The following SLC9A3 variants were observed in gnomAD, a reference collection of about 807,000 sequenced individuals.
SLC9A3 encodes the protein solute carrier family 9 member A3.
In SLC9A3, 37 loss-of-function variants were observed where a neutral mutation model predicts 86.8. That is an observed-to-expected ratio of 0.43 (90% CI 0.33 to 0.56). The LOEUF (loss-of-function observed/expected upper bound fraction) is 0.56. Ranked by LOEUF, SLC9A3 falls within the 20% of genes least tolerant of loss-of-function variation. SLC9A3 has a pLI of 0.06. For missense variants in SLC9A3, 1,011 were observed against 1,171.9 expected (o/e 0.86, Z 2.00); for synonymous variants, 581 against 528.3 (o/e 1.10, Z -1.37).
Position 482,624 on chromosome 5 carries a change from T to A in SLC9A3, c.1280A>T (p.Asp427Val). Residue 427 changes from aspartate to valine, a missense_variant, in exon 7 of 17, where the codon GAT becomes GTT. Asp to Val is a radical substitution (Grantham distance 152). This residue lies in a region of SLC9A3 where 565 missense variants were observed against 790.0 expected (regional missense o/e 0.72). Transcript: ENST00000264938. ...AVAFALVVLL[D>V]GDKVKEKNLF... Reference sequence around the variant, plus strand: ...GTTCTTCTCCTTGACCTTGTCTCCATCCAGAAGCACCACCAGGGCAAAGGC... The same window carrying A: ...GTTCTTCTCCTTGACCTTGTCTCCAACCAGAAGCACCACCAGGGCAAAGGC... 1 of 1,612,614 alleles carries A rather than the reference T, an allele frequency of 6.2e-7. No individual in the cohort carries two copies. The highest frequency in any genetic ancestry group is 8.5e-7 in the Non-Finnish European group (1 of 1,179,858).
At chr5:473,876 CGTCT>C (rs1738544475) in intron 16 of SLC9A3, among the ~76,000 whole-genome samples, 1 of 152,208 alleles carries the variant, frequency 6.6e-6, no homozygotes, top group Non-Finnish European at 1.5e-5. Context: ...GGACCCGGGG[CGTCT>C]GTCTGGCTTC....
intron 1 of SLC9A3, among the ~76,000 whole-genome samples, chr5:506,302 C>T (rs1405481798): frequency 6.6e-6 from 1 of 152,200 alleles, no homozygotes; most frequent in Non-Finnish European, 1.5e-5. Flanking sequence ...GAAAGGGGCC[C>T]GAGACGGGGG....
chr5:518,176 CCTCAGGAG>C (rs1484678569), intron 1 of SLC9A3, among the ~76,000 whole-genome samples: 1 of 152,166 alleles, frequency 6.6e-6, no homozygotes, highest in African/African-American at 2.4e-5. Context: ...GAGGAGGTGT[CCTCAGGAG>C]CTCAGAGGAG....
At chr5:518,824 G>A (rs536843985) in intron 1 of SLC9A3, among the ~76,000 whole-genome samples, 49 of 152,246 alleles carry the variant, frequency 3.2e-4, no homozygotes, top group Middle Eastern at 6.8e-3. Flanking sequence ...GGAGCTCCTG[G>A]GGTGGCAGGG....
At chr5:511,273 G>A (rs2126651186) in intron 1 of SLC9A3, among the ~76,000 whole-genome samples, 1 of 152,044 alleles carries the variant, frequency 6.6e-6, no homozygotes, top group African/African-American at 2.4e-5. Flanking sequence ...CATAACCTTG[G>A]GTTTGGTGAT....
At chr5:512,135 A>G (rs4956947) in intron 1 of SLC9A3, among the ~76,000 whole-genome samples, 134,521 of 152,278 alleles carry the variant, frequency 0.88, 59,652 homozygotes, top group African/African-American at 0.91. Context: ...AGAGCACAGA[A>G]GATTTTTAGG....
At chr5:478,540 G>A (rs3734141) in intron 10 of SLC9A3, 121,420 of 153,708 alleles carry the variant, frequency 0.79, 48,783 homozygotes, top group African/African-American at 0.88. Context: ...CCAGGTGTGG[G>A]GACCCCCGCT....
intron 1 of SLC9A3, among the ~76,000 whole-genome samples, chr5:513,005 G>A (rs1733602470): frequency 1.3e-5 from 2 of 152,170 alleles, no homozygotes; most frequent in South Asian, 4.2e-4. Context: ...CGGTTACAGA[G>A]GTTTCCACTG....
intron 2 of SLC9A3, 92 bp from the exon 3 acceptor site, chr5:488,568 G>C: frequency 7.6e-7 from 1 of 1,318,084 alleles, no homozygotes; most frequent in Non-Finnish European, 1.0e-6. Context: ...GTCGGGGTTC[G>C]GAGCCCGTCT....
At chr5:498,836 C>G (rs1560965706) in intron 1 of SLC9A3, among the ~76,000 whole-genome samples, 1 of 152,218 alleles carries the variant, frequency 6.6e-6, no homozygotes, top group Non-Finnish European at 1.5e-5. Flanking sequence ...GCTGAGCTGG[C>G]TTTGGGTGGG....
At chr5:476,436 C>A in intron 12 of SLC9A3, 58 bp from the exon 13 acceptor site, 1 of 1,607,664 alleles carries the variant, frequency 6.2e-7, no homozygotes, top group Non-Finnish European at 8.5e-7. Context: ...TCTCGCCCTC[C>A]TGCCGCAGGA....
At chr5:493,148 G>A (rs763078336) in intron 1 of SLC9A3, among the ~76,000 whole-genome samples, 94 of 151,394 alleles carry the variant, frequency 6.2e-4, no homozygotes, top group Admixed American at 2.0e-3. Context: ...GAATTCCTGC[G>A]CTCGGCCTGA....
chr5:486,658 G>A (rs934906526), intron 3 of SLC9A3, among the ~76,000 whole-genome samples: 2 of 152,172 alleles, frequency 1.3e-5, no homozygotes, highest in African/African-American at 4.8e-5. Context: ...AAAGTCCCCA[G>A]GACCTGGGCA....
At chr5:513,797 C>T (rs1202079224) in intron 1 of SLC9A3, among the ~76,000 whole-genome samples, 1 of 152,222 alleles carries the variant, frequency 6.6e-6, no homozygotes, top group Non-Finnish European at 1.5e-5. Context: ...AGCTCCTTCT[C>T]AGGAAGCTTT....
At chr5:482,429 A>G in intron 7 of SLC9A3, 119 bp downstream of exon 7, 2 of 845,324 alleles carry the variant, frequency 2.4e-6, no homozygotes, top group Non-Finnish European at 3.8e-6. Flanking sequence ...GCTCCTAGTT[A>G]CTAAAATTAT....
At chr5:503,766 G>A (rs1223051030) in intron 1 of SLC9A3, among the ~76,000 whole-genome samples, 2 of 152,254 alleles carry the variant, frequency 1.3e-5, no homozygotes, top group Non-Finnish European at 2.9e-5. Context: ...TGTATAATGT[G>A]TGTGAGTTAC....
At chr5:475,769 G>T in intron 14 of SLC9A3, 98 bp from the exon 15 acceptor site, 2 of 766,410 alleles carry the variant, frequency 2.6e-6, no homozygotes. Flanking sequence ...AGAGGTGCAG[G>T]CAGTCGGGAC....
intron 1 of SLC9A3, among the ~76,000 whole-genome samples, chr5:514,386 C>T (rs1299745010): frequency 6.6e-6 from 1 of 152,244 alleles, no homozygotes; most frequent in African/African-American, 2.4e-5. Flanking sequence ...CTGTGCCCTC[C>T]CTCCTCACCT....
intron 1 of SLC9A3, among the ~76,000 whole-genome samples, chr5:520,226 C>G (rs1277599806): frequency 6.6e-6 from 1 of 152,202 alleles, no homozygotes; most frequent in Non-Finnish European, 1.5e-5. Flanking sequence ...CCAAGGGGTA[C>G]CCACGGCCAG....
Sources: allele counts gnomAD v4.1 joint callset (sites outside exome capture counted in the v4.1 genomes callset), GRCh38; gene constraint gnomAD v4.1.1; regional missense constraint gnomAD v4.1.1; transcripts MANE v1.5; gene names NCBI Gene and HGNC (gene_info 2026-07-23, HGNC 2026-07-21).